The following EYA2 variants were observed in gnomAD, a reference collection of about 807,000 sequenced individuals.
The protein encoded by EYA2 is EYA transcriptional coactivator and phosphatase 2.
Under a neutral mutation model 69.2 loss-of-function variants are expected in EYA2, and 31 were observed. That is an observed-to-expected ratio of 0.45 (90% CI 0.34 to 0.60). The LOEUF (loss-of-function observed/expected upper bound fraction) is 0.60. EYA2 is among the 20% of genes least tolerant of loss of function. The probability of loss-of-function intolerance (pLI) is 0.02; values close to 1 mark genes in which losing one functional copy is unlikely to be tolerated. For synonymous variants in EYA2, 257 were observed against 279.4 expected (o/e 0.92, Z 0.80); for missense variants, 622 against 701.2 (o/e 0.89, Z 1.28).
intron 5 of EYA2, among the ~76,000 whole-genome samples, chr20:47,060,397 G>A (rs576063416): frequency 1.8e-4 from 22 of 124,008 alleles, no homozygotes; most frequent in African/African-American, 8.3e-4. Context: ...ATCCTCACAT[G>A]ACTCGGGAGG....
intron 1 of EYA2, among the ~76,000 whole-genome samples, chr20:46,981,559 T>C (rs1462817830): frequency 6.6e-6 from 1 of 152,366 alleles, no homozygotes; most frequent in Non-Finnish European, 1.5e-5. Context: ...ATAGGTATTT[T>C]AGATTTTGCA....
At chr20:47,170,062 C>CA (rs1479564023) in intron 11 of EYA2, among the ~76,000 whole-genome samples, 1 of 151,914 alleles carries the variant, frequency 6.6e-6, no homozygotes, top group Non-Finnish European at 1.5e-5. Context: ...TGCACCACCA[C>CA]ACCCAGCTAA....
At chr20:46,956,085 C>A (rs1979108097) in intron 1 of EYA2, among the ~76,000 whole-genome samples, 2 of 152,226 alleles carry the variant, frequency 1.3e-5, no homozygotes, top group South Asian at 4.1e-4. Flanking sequence ...CATTTTTCTT[C>A]ATACTTTTGT....
At chr20:47,020,352 C>G (rs573467362) in intron 5 of EYA2, among the ~76,000 whole-genome samples, 2 of 152,206 alleles carry the variant, frequency 1.3e-5, no homozygotes, top group East Asian at 3.9e-4. Context: ...CCGTAAGGCC[C>G]TGGTTTGAGA....
chr20:46,926,064 A>G (rs1249948776), intron 1 of EYA2, among the ~76,000 whole-genome samples: 1 of 152,260 alleles, frequency 6.6e-6, no homozygotes, highest in East Asian at 1.9e-4. Context: ...ATAGCATGCT[A>G]CTATTCGTTT....
At chr20:46,996,028 T>TAAG (rs1555810710) in intron 2 of EYA2, among the ~76,000 whole-genome samples, 3 of 152,232 alleles carry the variant, frequency 2.0e-5, no homozygotes, top group Admixed American at 2.0e-4. Context: ...TCTGACCCCT[T>TAAG]AAGCCTATCT....
intron 9 of EYA2, among the ~76,000 whole-genome samples, chr20:47,124,418 G>A (rs1208289202): frequency 6.6e-6 from 1 of 152,314 alleles, no homozygotes; most frequent in South Asian, 2.1e-4. Context: ...GCACATTGCT[G>A]GTTATGTAAG....
chr20:47,157,680 TCAG>T (rs1247473947), intron 10 of EYA2, among the ~76,000 whole-genome samples: 4 of 151,888 alleles, frequency 2.6e-5, no homozygotes, highest in African/African-American at 9.7e-5. Flanking sequence ...TTGACACTTT[TCAG>T]GAAGACACAA....
At chr20:47,178,602 A>G (rs2034469498) in intron 12 of EYA2, among the ~76,000 whole-genome samples, 1 of 152,250 alleles carries the variant, frequency 6.6e-6, no homozygotes, top group East Asian at 1.9e-4. Context: ...GGCTGAGAGA[A>G]TGGCAGGTTG....
chr20:46,940,730 G>A (rs951177994), intron 1 of EYA2, among the ~76,000 whole-genome samples: 4 of 152,174 alleles, frequency 2.6e-5, no homozygotes, highest in East Asian at 1.9e-4. Context: ...AGCTCAGGGC[G>A]GTGGCCAAAG....
At chr20:47,023,641 T>TG (rs200488229) in intron 5 of EYA2, among the ~76,000 whole-genome samples, 42,897 of 140,306 alleles carry the variant, frequency 0.31, 8,364 homozygotes, top group Non-Finnish European at 0.43. Context: ...TGTTTTTTTT[T>TG]TTTTTTTTTT....
At chr20:47,105,622 C>A (rs1358212663) in intron 9 of EYA2, among the ~76,000 whole-genome samples, 1 of 54,396 alleles carries the variant, frequency 1.8e-5, no homozygotes, top group Admixed American at 2.2e-4. Context: ...AAGACTCTGT[C>A]CCAAAAAAAA....
intron 1 of EYA2, among the ~76,000 whole-genome samples, chr20:46,905,165 C>T (rs1984292732): frequency 6.6e-6 from 1 of 150,524 alleles, no homozygotes; most frequent in African/African-American, 2.5e-5. Flanking sequence ...ATGTGACAGA[C>T]ACTTTCACAA....
chr20:47,022,423 C>G (rs992592755), intron 5 of EYA2, among the ~76,000 whole-genome samples: 1 of 152,158 alleles, frequency 6.6e-6, no homozygotes, highest in Non-Finnish European at 1.5e-5. Context: ...AAGCAATTCT[C>G]TAGCCTCAGT....
At chr20:47,049,761 G>A (rs1161253075) in intron 5 of EYA2, among the ~76,000 whole-genome samples, 1 of 151,968 alleles carries the variant, frequency 6.6e-6, no homozygotes, top group South Asian at 2.1e-4. Flanking sequence ...AAATTACCCA[G>A]CTTCAGGTGT....
rs928112436 is a variant in EYA2 at position 47,180,121 on chromosome 20, C to G, written c.1313+209C>G. Among the ~76,000 whole-genome samples the G allele has an allele frequency of 7.2e-5, 11 of 152,144 alleles. No individual in the cohort carries two copies. In the East Asian group the frequency reaches 2.1e-3, roughly 29 times the overall value. ...GATCTCGGCTCATCACAACCTCTCC[C>G]TCCCAGGTTCAAGCAATTCTCCGGC... On this transcript the variant is annotated intron_variant, in intron 13 of 15. Coordinates refer to ENST00000327619, the MANE Select transcript of EYA2 (RefSeq NM_005244.5).
At chr20:46,960,883 C>T (rs1396506057) in intron 1 of EYA2, among the ~76,000 whole-genome samples, 1 of 152,104 alleles carries the variant, frequency 6.6e-6, no homozygotes, top group Non-Finnish European at 1.5e-5. Context: ...AGCAGCAGCA[C>T]ATCAAAGAAC....
At chr20:47,120,353 G>A (rs181023236) in intron 9 of EYA2, among the ~76,000 whole-genome samples, 11 of 152,322 alleles carry the variant, frequency 7.2e-5, no homozygotes, top group East Asian at 3.9e-4. Flanking sequence ...TCCAGCCTGG[G>A]CAACAGAGTG....
At chr20:46,900,835 C>G (rs901972271) in intron 1 of EYA2, among the ~76,000 whole-genome samples, 2 of 152,104 alleles carry the variant, frequency 1.3e-5, no homozygotes, top group African/African-American at 4.8e-5. Flanking sequence ...ATTTTATTTT[C>G]TTGACCCAAA....
Sources: gnomAD v4.1 joint callset for allele counts (sites outside exome capture counted in the v4.1 genomes callset) on GRCh38, gnomAD v4.1.1 for gene constraint, MANE v1.5 for transcripts, NCBI Gene and HGNC (gene_info 2026-07-23, HGNC 2026-07-21) for gene names.